Variants in INPP4B observed in about 807,000 individuals in gnomAD.
The protein encoded by INPP4B is inositol polyphosphate 4-phosphatase type II.
In INPP4B, 55 loss-of-function variants were observed where a neutral mutation model predicts 122.5. The observed-to-expected ratio is 0.45, with a 90% CI of 0.36 to 0.56. The LOEUF is 0.56. Among genes scored for constraint, INPP4B ranks in the 20% least tolerant of loss-of-function variants. The pLI is 0.00. For synonymous variants in INPP4B, 403 were observed against 388.7 expected (o/e 1.04, Z -0.43); for missense variants, 1,000 against 1,097.7 (o/e 0.91, Z 1.26).
At chr4:142,405,717 T>C (rs1487610653) in intron 5 of INPP4B, among the ~76,000 whole-genome samples, 5 of 152,166 alleles carry the variant, frequency 3.3e-5, no homozygotes, top group Non-Finnish European at 7.4e-5. Context: ...TGGTGTTCCT[T>C]ATTGACATGG....
chr4:142,111,660 T>C (rs916610535), intron 22 of INPP4B, among the ~76,000 whole-genome samples: 1 of 152,034 alleles, frequency 6.6e-6, no homozygotes, highest in Non-Finnish European at 1.5e-5. Flanking sequence ...TTCTATGATC[T>C]TTAACTGTTA....
intron 2 of INPP4B, among the ~76,000 whole-genome samples, chr4:142,634,239 G>A (rs1012526601): frequency 6.6e-6 from 1 of 152,178 alleles, no homozygotes; most frequent in Non-Finnish European, 1.5e-5. Flanking sequence ...TGGCTTGGCT[G>A]ATAATTCTAT....
intron 7 of INPP4B, among the ~76,000 whole-genome samples, chr4:142,338,336 C>T (rs911585063): frequency 6.6e-6 from 1 of 152,128 alleles, no homozygotes; most frequent in African/African-American, 2.4e-5. Context: ...CGTGGGTTCA[C>T]ACCATTCTCC....
At position 142,720,791 on chromosome 4, in the gene INPP4B, C is replaced by A. The variant is rs1329626891; in HGVS notation, c.-191+5048G>T. 1.4e-3 allele frequency among the ~76,000 whole-genome samples: 54 copies of A among 39,538 alleles called. 5 individuals carry two copies. Among genetic ancestry groups the A allele is most frequent in the African/African-American group, 3.3e-3 (42 of 12,668 alleles). 25.9% of individuals were successfully genotyped at this position (39,538 alleles called of 152,430 possible). A position where few individuals can be genotyped will look rare whatever the true frequency, so the allele number is the denominator to read the frequency against. ...TCTCTCTCTCTCTCTCTCTCTCTCT[C>A]TCTCTCTCTCTCTCTCTCTATATAT... On this transcript the variant is annotated intron_variant, in intron 2 of 25. Coordinates refer to ENST00000262992, the MANE Select transcript of INPP4B (RefSeq NM_001101669.3).
intron 2 of INPP4B, among the ~76,000 whole-genome samples, chr4:142,549,286 A>G (rs1169201524): frequency 6.6e-6 from 1 of 152,040 alleles, no homozygotes; most frequent in Non-Finnish European, 1.5e-5. Flanking sequence ...TCATCCTCCC[A>G]TACTGTGCAC....
intron 2 of INPP4B, among the ~76,000 whole-genome samples, chr4:142,661,682 CTATT>C (rs1043431506): frequency 1.6e-4 from 25 of 152,176 alleles, no homozygotes; most frequent in African/African-American, 6.0e-4. Flanking sequence ...TTAAGGATGA[CTATT>C]TAAAACAGAA....
intron 7 of INPP4B, chr4:142,317,632 C>T (rs1040577948): frequency 6.4e-6 from 1 of 155,350 alleles, no homozygotes; most frequent in Non-Finnish European, 1.5e-5. Context: ...GAGAAACCTG[C>T]ATACATTTTG....
intron 1 of INPP4B, among the ~76,000 whole-genome samples, chr4:142,842,562 T>C (rs972792057): frequency 2.1e-5 from 3 of 141,572 alleles, no homozygotes; most frequent in South Asian, 2.1e-4. Context: ...ATATATAATA[T>C]ATAATATATG....
intron 2 of INPP4B, among the ~76,000 whole-genome samples, chr4:142,626,907 A>G (rs1746556693): frequency 6.6e-6 from 1 of 151,968 alleles, no homozygotes; most frequent in Admixed American, 6.6e-5. Flanking sequence ...ATCCAAAAAC[A>G]CCCATAAAGC....
At chr4:142,670,577 T>A (rs1008809672) in intron 2 of INPP4B, among the ~76,000 whole-genome samples, 8 of 152,048 alleles carry the variant, frequency 5.3e-5, no homozygotes, top group African/African-American at 1.9e-4. Flanking sequence ...TAAATTTCAG[T>A]CATATGTAGA....
At chr4:142,234,791 A>G (rs1855978750) in intron 12 of INPP4B, among the ~76,000 whole-genome samples, 1 of 152,166 alleles carries the variant, frequency 6.6e-6, no homozygotes, top group Non-Finnish European at 1.5e-5. Flanking sequence ...TGGCAATGGA[A>G]CTTCATATTG....
intron 2 of INPP4B, among the ~76,000 whole-genome samples, chr4:142,649,375 A>G (rs1752458733): frequency 6.6e-6 from 1 of 152,222 alleles, no homozygotes; most frequent in South Asian, 2.1e-4. Context: ...AAAGACTTTG[A>G]CAAGTTGACA....
intron 2 of INPP4B, among the ~76,000 whole-genome samples, chr4:142,624,976 G>A (rs1242107091): frequency 1.3e-5 from 2 of 150,388 alleles, no homozygotes; most frequent in Non-Finnish European, 3.0e-5. Context: ...TTGATGGGAT[G>A]TATCTCAAAA....
chr4:142,117,523 A>G (rs1024034974), intron 21 of INPP4B, among the ~76,000 whole-genome samples: 1 of 152,158 alleles, frequency 6.6e-6, no homozygotes, highest in African/African-American at 2.4e-5. Flanking sequence ...CAAATCAATA[A>G]ACATAATCCA....
chr4:142,487,029 G>A (rs905609960), intron 2 of INPP4B, among the ~76,000 whole-genome samples: 1 of 152,098 alleles, frequency 6.6e-6, no homozygotes, highest in Non-Finnish European at 1.5e-5. Context: ...TTTTGGGAGG[G>A]ACCCGGTGAA....
chr4:142,681,080 G>A lies in INPP4B; in HGVS notation c.-191+44759C>T, dbSNP rs114937749. ...TACGAAAGGCTGCTGGGGCGGTTGA[G>A]TTTTCATTCAAGTCTATATATAATG... On this transcript the variant is annotated intron_variant, in intron 2 of 25. Coordinates refer to ENST00000262992, the MANE Select transcript of INPP4B (RefSeq NM_001101669.3). Among the ~76,000 whole-genome samples, 1,310 of 151,918 alleles carry A rather than the reference G, an allele frequency of 8.6e-3. 24 individuals are homozygous for A. The highest frequency in any genetic ancestry group is 0.03 in the African/African-American group (1,241 of 41,488).
chr4:142,575,827 A>C (rs968217080), intron 2 of INPP4B, among the ~76,000 whole-genome samples: 2 of 152,048 alleles, frequency 1.3e-5, no homozygotes, highest in African/African-American at 4.8e-5. Context: ...AGCTATGATA[A>C]TTACACTCTA....
chr4:142,494,070 T>G (rs530130082), intron 2 of INPP4B, among the ~76,000 whole-genome samples: 4 of 152,316 alleles, frequency 2.6e-5, no homozygotes, highest in Admixed American at 1.3e-4. Context: ...TCAGAACTTC[T>G]TCTTACTGCT....
chr4:142,797,505 A>T (rs1469270059), intron 1 of INPP4B, among the ~76,000 whole-genome samples: 1 of 152,022 alleles, frequency 6.6e-6, no homozygotes, highest in Admixed American at 6.6e-5. Context: ...TAAAATATCT[A>T]TATCTAGGTG....
Sources: gnomAD v4.1 joint callset for allele counts (sites outside exome capture counted in the v4.1 genomes callset) on GRCh38, gnomAD v4.1.1 for gene constraint, MANE v1.5 for transcripts, NCBI Gene and HGNC (gene_info 2026-07-23, HGNC 2026-07-21) for gene names.